The following MYO18B variants were observed in gnomAD, a reference collection of about 807,000 sequenced individuals.
The protein encoded by MYO18B is unconventional myosin-XVIIIb.
Under a neutral mutation model 273.0 loss-of-function variants are expected in MYO18B, and 204 were observed. The observed-to-expected ratio is 0.75, with a 90% confidence interval of 0.67 to 0.84. The LOEUF is 0.84. Ranked by LOEUF, MYO18B falls within the 40% of genes least tolerant of loss-of-function variation. The pLI, the probability that MYO18B is intolerant of heterozygous loss-of-function variation, is 0.00. For synonymous variants in MYO18B, 1,330 were observed against 1,305.7 expected, an observed-to-expected ratio of 1.02 and a Z score of -0.40; for missense variants, 3,212 against 3,287.6, an observed-to-expected ratio of 0.98 and a Z score of 0.56.
In MYO18B at chr22:25,938,344, T is replaced by C. The variant is rs7289585; in HGVS notation, c.5518-7793T>C. On this transcript the variant is annotated intron_variant, in intron 34 of 43. Transcript: ENST00000335473. ...GATGTATATGTGATAGGAATCTCAA[T>C]TGGCCTCACACTGAATGAAACAGAG... Among the ~76,000 whole-genome samples the C allele has an allele frequency of 3.0e-3, 459 of 152,322 alleles. 1 individual carries two copies. The highest frequency in any genetic ancestry group is 9.5e-3 in the African/African-American group (393 of 41,566).
At chr22:25,902,494 C>G (rs1465927282) in intron 29 of MYO18B, 119 bp from the exon 30 acceptor site, 10 of 1,170,126 alleles carry the variant, frequency 8.5e-6, no homozygotes, top group Non-Finnish European at 1.0e-5. Context: ...TCCTTTTGCT[C>G]TCTTTCTAAT....
At chr22:26,014,992 C>A (rs1445428494) in intron 42 of MYO18B, among the ~76,000 whole-genome samples, 1 of 151,962 alleles carries the variant, frequency 6.6e-6, no homozygotes, top group South Asian at 2.1e-4. Flanking sequence ...ATATTTTCTC[C>A]CATTCTGTAG....
chr22:25,891,872 T>A (rs1381562198), intron 27 of MYO18B, among the ~76,000 whole-genome samples: 2 of 151,892 alleles, frequency 1.3e-5, no homozygotes, highest in Non-Finnish European at 2.9e-5. Context: ...ACAAAAAATT[T>A]AAAAAATTAG....
the MYO18B span, among the ~76,000 whole-genome samples, chr22:26,061,080 T>C: frequency 7.6e-6 from 1 of 132,418 alleles, no homozygotes; most frequent in South Asian, 2.3e-4. Context: ...CCCCAGCTAC[T>C]GTTGGCTTGG....
intron 3 of MYO18B, among the ~76,000 whole-genome samples, chr22:25,767,627 C>G (rs571157447): frequency 1.3e-5 from 2 of 152,250 alleles, no homozygotes; most frequent in South Asian, 2.1e-4. Flanking sequence ...GGCCCTGAGT[C>G]CTTTCCTGGA....
intron 22 of MYO18B, among the ~76,000 whole-genome samples, chr22:25,871,725 G>T (rs970681013): frequency 1.3e-5 from 2 of 152,098 alleles, no homozygotes; most frequent in African/African-American, 4.8e-5. Context: ...TGGCATTTGT[G>T]GGAAAGGTGT....
chr22:25,951,348 A>G (rs2092790368), intron 37 of MYO18B, among the ~76,000 whole-genome samples: 1 of 152,184 alleles, frequency 6.6e-6, no homozygotes, highest in African/African-American at 2.4e-5. Flanking sequence ...GTTCATTCAA[A>G]TACTCACTCA....
chr22:26,000,129 T>C (rs1933814612), intron 40 of MYO18B, among the ~76,000 whole-genome samples: 1 of 152,206 alleles, frequency 6.6e-6, no homozygotes, highest in Non-Finnish European at 1.5e-5. Context: ...ACCTTATGTG[T>C]TGGGACAGGG....
At chr22:25,916,764 G>C (rs1033100820) in intron 33 of MYO18B, among the ~76,000 whole-genome samples, 3 of 152,206 alleles carry the variant, frequency 2.0e-5, no homozygotes, top group African/African-American at 7.2e-5. Context: ...GGGCACAGTG[G>C]CTCACGCCTG....
the MYO18B span, among the ~76,000 whole-genome samples, chr22:26,057,863 C>T: frequency 1.3e-5 from 2 of 152,236 alleles, no homozygotes; most frequent in South Asian, 2.1e-4. Context: ...TCAGCTTCAG[C>T]AAGTAATAGT....
intron 42 of MYO18B, among the ~76,000 whole-genome samples, chr22:26,011,812 A>T (rs1934945388): frequency 1.3e-5 from 2 of 152,186 alleles, no homozygotes; most frequent in South Asian, 4.1e-4. Context: ...AATTATTCTC[A>T]CTCACATAAT....
intron 9 of MYO18B, among the ~76,000 whole-genome samples, chr22:25,780,785 T>C (rs911085470): frequency 7.2e-5 from 11 of 152,050 alleles, no homozygotes; most frequent in African/African-American, 2.7e-4. Flanking sequence ...GGATGAAATA[T>C]TCATGAGCAA....
intron 11 of MYO18B, among the ~76,000 whole-genome samples, chr22:25,792,384 G>T (rs774815494): frequency 1.3e-5 from 2 of 150,142 alleles, no homozygotes; most frequent in Non-Finnish European, 1.5e-5. Flanking sequence ...GCTGAGCGAC[G>T]GGTAGGGCAG....
At chr22:25,824,985 C>T (rs764187679) in intron 13 of MYO18B, among the ~76,000 whole-genome samples, 50 of 151,820 alleles carry the variant, frequency 3.3e-4, no homozygotes, top group Non-Finnish European at 5.6e-4. Context: ...CACAGATATG[C>T]GTGGCACATG....
At chr22:25,745,993 A>G (rs1222542805) in intron 1 of MYO18B, among the ~76,000 whole-genome samples, 1 of 152,166 alleles carries the variant, frequency 6.6e-6, no homozygotes, top group African/African-American at 2.4e-5. Context: ...TGAGATTTGG[A>G]GCCTGGAGTG....
intron 33 of MYO18B, among the ~76,000 whole-genome samples, chr22:25,917,676 T>G (rs1244953128): frequency 6.6e-6 from 1 of 152,088 alleles, no homozygotes; most frequent in Admixed American, 6.6e-5. Flanking sequence ...TTATTTACAT[T>G]TGTTATAATG....
chr22:25,823,906 G>T (rs1483785171), intron 13 of MYO18B, among the ~76,000 whole-genome samples: 1 of 152,252 alleles, frequency 6.6e-6, no homozygotes, highest in Non-Finnish European at 1.5e-5. Flanking sequence ...AAACCTGGCA[G>T]GGAGCCCCGC....
chr22:25,968,035 T>G (rs994133060), intron 39 of MYO18B, among the ~76,000 whole-genome samples: 2 of 152,162 alleles, frequency 1.3e-5, no homozygotes, highest in Non-Finnish European at 2.9e-5. Context: ...CCCATTGCCT[T>G]GGAGTTGATT....
At chr22:25,990,349 C>T (rs1569270085) in intron 39 of MYO18B, among the ~76,000 whole-genome samples, 1 of 152,140 alleles carries the variant, frequency 6.6e-6, no homozygotes, top group Middle Eastern at 3.4e-3. Flanking sequence ...TGAGTGACCT[C>T]GCTGACTGAC....
Sources: allele counts gnomAD v4.1 joint callset (sites outside exome capture counted in the v4.1 genomes callset), GRCh38; gene constraint gnomAD v4.1.1; transcripts MANE v1.5; gene names NCBI Gene and HGNC (gene_info 2026-07-23, HGNC 2026-07-21).